KCNIP4: variants seen among roughly 807,000 people sequenced by gnomAD.
KCNIP4 encodes the protein Kv channel-interacting protein 4.
In KCNIP4, 12 loss-of-function variants were observed where a neutral mutation model predicts 34.0. That is an observed-to-expected ratio of 0.35 (90% confidence interval 0.23 to 0.57). KCNIP4 has a LOEUF of 0.57. Ranked by LOEUF, KCNIP4 falls within the 20% of genes least tolerant of loss-of-function variation. KCNIP4 has a pLI of 0.83. For synonymous variants in KCNIP4, 124 were observed against 102.2 expected, an observed-to-expected ratio of 1.21 and a Z score of -1.29; for missense variants, 238 against 311.7, an observed-to-expected ratio of 0.76 and a Z score of 1.78.
intron 1 of KCNIP4, among the ~76,000 whole-genome samples, chr4:21,836,508 AAT>A (rs1723328100): frequency 6.6e-6 from 1 of 152,118 alleles, no homozygotes; most frequent in African/African-American, 2.4e-5. Flanking sequence ...ATTCTACTTC[AAT>A]GTACATTTTC....
chr4:21,474,599 A>C (rs1454087612), intron 1 of KCNIP4, among the ~76,000 whole-genome samples: 3 of 152,170 alleles, frequency 2.0e-5, no homozygotes, highest in Non-Finnish European at 4.4e-5. Flanking sequence ...TATAGTGATC[A>C]TACCTTTCTG....
chr4:21,578,087 G>A (rs1023968349), intron 1 of KCNIP4, among the ~76,000 whole-genome samples: 1 of 152,082 alleles, frequency 6.6e-6, no homozygotes, highest in Non-Finnish European at 1.5e-5. Flanking sequence ...TGTAATCCCA[G>A]CAGTTTGGGA....
chr4:21,646,692 G>T (rs1326258277), intron 1 of KCNIP4, among the ~76,000 whole-genome samples: 1 of 152,104 alleles, frequency 6.6e-6, no homozygotes, highest in Non-Finnish European at 1.5e-5. Context: ...GCTCTCCATT[G>T]CCCAAGTGTG....
At chr4:21,358,198 T>C (rs1188976368) in intron 1 of KCNIP4, among the ~76,000 whole-genome samples, 1 of 152,034 alleles carries the variant, frequency 6.6e-6, no homozygotes, top group African/African-American at 2.4e-5. Flanking sequence ...AGGGATAGCA[T>C]TAGGAGAAAT....
intron 1 of KCNIP4, among the ~76,000 whole-genome samples, chr4:21,839,220 T>G (rs940514311): frequency 2.6e-5 from 4 of 152,174 alleles, no homozygotes; most frequent in African/African-American, 9.7e-5. Context: ...AATTGAATAA[T>G]AAATCAAAAT....
At chr4:21,711,889 TTTATTATCCTTCA>T (rs1323794063) in intron 1 of KCNIP4, among the ~76,000 whole-genome samples, 1 of 152,136 alleles carries the variant, frequency 6.6e-6, no homozygotes, top group Non-Finnish European at 1.5e-5. Context: ...TTAAGTAGGT[TTTATTATCCTTCA>T]AAAAGGATAG....
chr4:21,741,992 G>C (rs189806809), intron 1 of KCNIP4, among the ~76,000 whole-genome samples: 2 of 152,158 alleles, frequency 1.3e-5, no homozygotes, highest in African/African-American at 2.4e-5. Context: ...AGCTGAAATT[G>C]CACCACTGCA....
chr4:21,067,300 GA>G (rs1475529022), intron 1 of KCNIP4, among the ~76,000 whole-genome samples: 1 of 152,138 alleles, frequency 6.6e-6, no homozygotes, highest in African/African-American at 2.4e-5. Flanking sequence ...GAGGTGTGCT[GA>G]CTTCAGGTGA....
chr4:21,532,762 C>T (rs1308465911), intron 1 of KCNIP4, among the ~76,000 whole-genome samples: 1 of 152,054 alleles, frequency 6.6e-6, no homozygotes. Context: ...GATGGGCAGG[C>T]AGCAGTGTTA....
At chr4:21,239,474 C>T (rs1560204898) in intron 1 of KCNIP4, among the ~76,000 whole-genome samples, 2 of 151,816 alleles carry the variant, frequency 1.3e-5, no homozygotes, top group African/African-American at 2.4e-5. Context: ...GCAACTTACT[C>T]ATCTGACAAA....
intron 1 of KCNIP4, among the ~76,000 whole-genome samples, chr4:20,988,501 C>T (rs538388831): frequency 1.3e-5 from 2 of 152,244 alleles, no homozygotes; most frequent in Admixed American, 1.3e-4. Flanking sequence ...TTTGAAATTT[C>T]ACCACGTGAT....
intron 1 of KCNIP4, among the ~76,000 whole-genome samples, chr4:21,810,221 C>T (rs1352133064): frequency 3.3e-5 from 5 of 152,190 alleles, no homozygotes; most frequent in Non-Finnish European, 5.9e-5. Context: ...TATGTGATCT[C>T]ATTATCCTAT....
At chr4:21,403,697 T>A (rs1192695356) in intron 1 of KCNIP4, among the ~76,000 whole-genome samples, 2 of 152,182 alleles carry the variant, frequency 1.3e-5, no homozygotes, top group Non-Finnish European at 2.9e-5. Context: ...TAGACAATTA[T>A]TTCTCACATT....
intron 1 of KCNIP4, among the ~76,000 whole-genome samples, chr4:21,472,530 G>A (rs529464547): frequency 3.0e-4 from 45 of 152,256 alleles, no homozygotes; most frequent in African/African-American, 1.0e-3. Context: ...TATGTTAGAT[G>A]ATGAGGTTTT....
chr4:21,741,628 T>A (rs1716408413), intron 1 of KCNIP4, among the ~76,000 whole-genome samples: 1 of 152,162 alleles, frequency 6.6e-6, no homozygotes, highest in Non-Finnish European at 1.5e-5. Context: ...AAAGGCAATT[T>A]TATGAAAACA....
At chr4:21,379,614 G>T (rs1224936887) in intron 1 of KCNIP4, among the ~76,000 whole-genome samples, 1 of 152,130 alleles carries the variant, frequency 6.6e-6, no homozygotes, top group African/African-American at 2.4e-5. Context: ...TATAGTCACA[G>T]CAGTGACATA....
In KCNIP4 at chr4:21,422,723, C is replaced by T. The variant is rs143909054; in HGVS notation, c.61+525848G>A. ...TGTGCTTGATTCCTACTTTTCATTT[C>T]GTCACCTGGGAAAACTGCAAGCCCA... On this transcript the variant is annotated intron_variant, in intron 1 of 8. Transcript: ENST00000382152. 5.8e-3 allele frequency among the ~76,000 whole-genome samples: 876 copies of T among 151,156 alleles called. 9 individuals carry two copies. Among genetic ancestry groups the T allele is most frequent in the South Asian group, 0.027 (131 of 4,784 alleles).
At chr4:21,767,614 A>G (rs1318307869) in intron 1 of KCNIP4, among the ~76,000 whole-genome samples, 3 of 152,132 alleles carry the variant, frequency 2.0e-5, no homozygotes, top group African/African-American at 7.2e-5. Flanking sequence ...AAATACAGTT[A>G]TTAAAATCCT....
At chr4:21,448,129 G>T (rs1728192026) in intron 1 of KCNIP4, among the ~76,000 whole-genome samples, 1 of 152,080 alleles carries the variant, frequency 6.6e-6, no homozygotes, top group African/African-American at 2.4e-5. Context: ...AACTGTTGGA[G>T]GCTGGAAGCA....
Sources: gnomAD v4.1 joint callset for allele counts (sites outside exome capture counted in the v4.1 genomes callset) on GRCh38, gnomAD v4.1.1 for gene constraint, MANE v1.5 for transcripts, NCBI Gene and HGNC (gene_info 2026-07-23, HGNC 2026-07-21) for gene names.